The following ELP3 variants were observed in gnomAD, a reference collection of about 807,000 sequenced individuals.
ELP3 encodes the protein elongator acetyltransferase complex subunit 3.
A neutral mutation model predicts 74.9 loss-of-function variants in ELP3; 56 were observed. The observed-to-expected ratio is 0.75, with a 90% CI of 0.60 to 0.93. ELP3 has a LOEUF of 0.93. Ranked by LOEUF, ELP3 falls within the 40% of genes least tolerant of loss-of-function variation. ELP3 has a pLI of 0.00. For missense variants in ELP3, 573 were observed against 686.5 expected, an observed-to-expected ratio of 0.83 and a Z score of 1.85; for synonymous variants, 222 against 239.8, an observed-to-expected ratio of 0.93 and a Z score of 0.68.
At chr8:28,168,372 C>T (rs1814390655) in intron 14 of ELP3, among the ~76,000 whole-genome samples, 1 of 152,152 alleles carries the variant, frequency 6.6e-6, no homozygotes. Context: ...CCATGCAGTC[C>T]AGCCTCTTAC....
In ELP3 at chr8:28,178,400, C is replaced by T. The variant is rs116227624; in HGVS notation, c.1568-11249C>T. On this transcript the variant is annotated intron_variant, in intron 14 of 14. Coordinates refer to ENST00000256398, the MANE Select transcript of ELP3 (RefSeq NM_018091.6). ...ATCCTAACTTTTTTGGTATTTTCTT[C>T]GTAAGTATGTATCCCTTAACTACAT... is the stretch of plus-strand genomic sequence containing the variant. Among the ~76,000 whole-genome samples the T allele has an allele frequency of 9.1e-3, 1,389 of 152,228 alleles. 22 individuals are homozygous for T. Among genetic ancestry groups the T allele is most frequent in the African/African-American group, 0.031 (1,299 of 41,534 alleles).
chr8:28,185,440 A>G (rs1453292013), intron 14 of ELP3, among the ~76,000 whole-genome samples: 3 of 152,250 alleles, frequency 2.0e-5, no homozygotes, highest in Non-Finnish European at 4.4e-5. Flanking sequence ...CATTTATTGC[A>G]TCTTGATTAT....
chr8:28,138,012 G>A, intron 10 of ELP3, 121 bp downstream of exon 10: 2 of 905,000 alleles, frequency 2.2e-6, no homozygotes, highest in Non-Finnish European at 3.2e-6. Flanking sequence ...TAAGATAACT[G>A]GAATGCTATC....
rs555752474 is a variant in ELP3, at chr8:28,185,558, GCA to G, written c.1568-4086_1568-4085del. Among the ~76,000 whole-genome samples, 238 of 152,314 alleles carry G rather than the reference GCA, an allele frequency of 1.6e-3. 1 individual carries two copies. Among genetic ancestry groups the G allele is most frequent in the African/African-American group, 5.5e-3 (227 of 41,574 alleles). Reference sequence around the variant, plus strand: ...CTAAAACAGTGGAACTCTAATTAAGGCACACAGCCAGCCTGGAGAGAGAGTGC... The same window carrying G: ...CTAAAACAGTGGAACTCTAATTAAGGCACAGCCAGCCTGGAGAGAGAGTGC... On this transcript the variant is annotated intron_variant, in intron 14 of 14. Coordinates refer to ENST00000256398, the MANE Select transcript of ELP3 (RefSeq NM_018091.6).
intron 14 of ELP3, chr8:28,183,344 G>A (rs1253819004): frequency 2.4e-6 from 1 of 409,096 alleles, no homozygotes; most frequent in Non-Finnish European, 4.9e-6. Context: ...ACAGAGTAGG[G>A]AAAAGGTCAT....
At chr8:28,104,546 T>C (rs901972473) in intron 3 of ELP3, among the ~76,000 whole-genome samples, 1 of 152,248 alleles carries the variant, frequency 6.6e-6, no homozygotes, top group Admixed American at 6.5e-5. Flanking sequence ...GTCTGGACAT[T>C]TCCTTTGTCT....
chr8:28,137,549 T>C (rs1813035658), intron 9 of ELP3, 149 bp from the exon 10 acceptor site: 2 of 673,180 alleles, frequency 3.0e-6, no homozygotes, highest in Middle Eastern at 4.1e-4. Flanking sequence ...AAGGAGTTTC[T>C]GTTCTGTCTG....
intron 10 of ELP3, among the ~76,000 whole-genome samples, chr8:28,144,079 G>T (rs917093554): frequency 2.0e-5 from 3 of 152,102 alleles, no homozygotes; most frequent in Non-Finnish European, 4.4e-5. Context: ...TACATCAGTT[G>T]TATGTTTATA....
chr8:28,096,048 C>T (rs1811240995), intron 1 of ELP3, among the ~76,000 whole-genome samples: 1 of 152,196 alleles, frequency 6.6e-6, no homozygotes, highest in African/African-American at 2.4e-5. Context: ...CCTGTCACAT[C>T]AGCAGTGGCA....
At chr8:28,090,482 G>GGTGTGGGGGTGT (rs1554492429), upstream of ELP3, 3 of 158,728 alleles carry the variant, frequency 1.9e-5, no homozygotes, top group Admixed American at 6.8e-5. Context: ...CTGATGGGTG[G>GGTGTGGGGGTGT]GTGTGTGTGT....
intron 7 of ELP3, among the ~76,000 whole-genome samples, chr8:28,128,475 C>CA (rs1288347324): frequency 3.4e-5 from 5 of 148,664 alleles, no homozygotes; most frequent in Admixed American, 6.7e-5. Context: ...AACTCCGAAT[C>CA]AAAAAAAAAA....
chr8:28,138,708 ACAAG>A (rs1813095789), intron 10 of ELP3, among the ~76,000 whole-genome samples: 1 of 152,204 alleles, frequency 6.6e-6, no homozygotes. Flanking sequence ...AACACTGAAA[ACAAG>A]CCGAATTAAC....
chr8:28,121,936 T>A lies in ELP3; in HGVS notation c.618-7566T>A, dbSNP rs537652683. On this transcript the variant is annotated intron_variant, in intron 7 of 14. Coordinates refer to ENST00000256398, the MANE Select transcript of ELP3 (RefSeq NM_018091.6). Reference sequence around the variant, plus strand: ...TTCCCAGTGATACAGGGAAAACATTTTTATTTCAGTATTAAGTCCAGTGTT... The same window carrying A: ...TTCCCAGTGATACAGGGAAAACATTATTATTTCAGTATTAAGTCCAGTGTT... 2.0e-5 allele frequency among the ~76,000 whole-genome samples: 3 copies of A among 152,340 alleles called. No individual in the cohort carries two copies. The South Asian group carries it at 6.2e-4, about 32-fold the overall frequency.
intron 14 of ELP3, among the ~76,000 whole-genome samples, chr8:28,164,732 G>T (rs1814240977): frequency 6.6e-6 from 1 of 152,152 alleles, no homozygotes; most frequent in Admixed American, 6.5e-5. Flanking sequence ...TTACTGTTCT[G>T]TGTAAGTTTC....
At chr8:28,107,848 C>A in intron 4 of ELP3, 65 bp from the exon 5 acceptor site, 1 of 1,315,910 alleles carries the variant, frequency 7.6e-7, no homozygotes. Context: ...ATGGTAGATG[C>A]TTGGAACTAG....
rs1563297866 is a variant in ELP3 at position 28,189,767 on chromosome 8, G to C, written c.*42G>C. ...CTCTTCTGCAGTATCCTCCCTGGCA[G>C]AACACGGAGAATCAGGATTTCTTAA... On this transcript the variant is annotated 3_prime_UTR_variant, in exon 15 of 15. Transcript: ENST00000256398. 6.3e-7 allele frequency: 1 copy of C among 1,581,774 alleles called. No individual in the cohort carries two copies.
intron 7 of ELP3, among the ~76,000 whole-genome samples, chr8:28,122,191 G>T (rs1035818273): frequency 6.6e-6 from 1 of 152,042 alleles, no homozygotes. Context: ...GATTCAACTT[G>T]CTAATACTTT....
intron 8 of ELP3, 87 bp from the exon 9 acceptor site, chr8:28,132,191 G>T (rs1014893868): frequency 2.8e-6 from 4 of 1,418,548 alleles, no homozygotes; most frequent in Non-Finnish European, 3.9e-6. Flanking sequence ...CTTGTTCCTT[G>T]TGTTAACTTT....
At chr8:28,150,705 C>T (rs891233243) in intron 10 of ELP3, among the ~76,000 whole-genome samples, 3 of 151,964 alleles carry the variant, frequency 2.0e-5, no homozygotes, top group Non-Finnish European at 4.4e-5. Flanking sequence ...GTTTTGGGGG[C>T]ATTTATCCTG....
Sources: allele counts gnomAD v4.1 joint callset (sites outside exome capture counted in the v4.1 genomes callset), GRCh38; gene constraint gnomAD v4.1.1; transcripts MANE v1.5; gene names NCBI Gene and HGNC (gene_info 2026-07-23, HGNC 2026-07-21).